SOX5: variants seen among roughly 807,000 people sequenced by gnomAD.
The protein encoded by SOX5 is SRY-box transcription factor 5, also known as transcription factor SOX-5.
SOX5 carries 9 observed loss-of-function variants against 92.0 expected under a neutral mutation model. That is an observed-to-expected ratio of 0.10 (90% confidence interval 0.06 to 0.17). SOX5 has a LOEUF of 0.17. Ranked by LOEUF, SOX5 falls within the 10% of genes least tolerant of loss-of-function variation. The pLI is 1.00. For synonymous variants in SOX5, 344 were observed against 336.3 expected, an observed-to-expected ratio of 1.02 and a Z score of -0.25; for missense variants, 642 against 944.5, an observed-to-expected ratio of 0.68 and a Z score of 4.20.
At chr12:24,356,545 C>T (rs977174579) in intron 2 of SOX5, among the ~76,000 whole-genome samples, 1 of 152,050 alleles carries the variant, frequency 6.6e-6, no homozygotes, top group African/African-American at 2.4e-5. Context: ...CTGATGTATG[C>T]ATTCATCTCT....
intron 2 of SOX5, among the ~76,000 whole-genome samples, chr12:23,880,616 G>A (rs541622317): frequency 6.6e-6 from 1 of 152,190 alleles, no homozygotes; most frequent in East Asian, 1.9e-4. Flanking sequence ...AAATAATACA[G>A]GGAATGAAGT....
In SOX5 at chr12:23,730,817, A is replaced by G. The variant is rs183102843; in HGVS notation, c.810+3867T>C. ...TTTCATCAGAGGTTGAGAAAGAATT[A>G]AAAAGGCCAAGAGAAACTTGAAATA... On this transcript the variant is annotated intron_variant, in intron 6 of 14. Transcript: ENST00000451604. Among the ~76,000 whole-genome samples the G allele has an allele frequency of 2.6e-5, 4 of 152,338 alleles. No individual in the cohort carries two copies. The South Asian group carries it at 8.3e-4, about 32-fold the overall frequency.
chr12:23,727,517 C>T (rs950718777), intron 6 of SOX5, among the ~76,000 whole-genome samples: 2 of 152,072 alleles, frequency 1.3e-5, no homozygotes, highest in African/African-American at 4.8e-5. Flanking sequence ...AGAGGAGATA[C>T]ACCATCCTCA....
At chr12:23,837,303 T>C (rs1594905512) in intron 3 of SOX5, among the ~76,000 whole-genome samples, 2 of 104,690 alleles carry the variant, frequency 1.9e-5, no homozygotes, top group Non-Finnish European at 3.5e-5. Context: ...ATATAATATA[T>C]AAGATATATT....
chr12:24,352,142 A>T (rs1208934575), intron 2 of SOX5, among the ~76,000 whole-genome samples: 2 of 152,244 alleles, frequency 1.3e-5, no homozygotes, highest in African/African-American at 2.4e-5. Flanking sequence ...TTGTGAGCTT[A>T]GGATAGCAAT....
chr12:23,831,957 T>TACACACACACACACACACACACACAC (rs61053165), intron 3 of SOX5, among the ~76,000 whole-genome samples: 2 of 142,732 alleles, frequency 1.4e-5, no homozygotes, highest in African/African-American at 5.3e-5. Flanking sequence ...AAAGGGGAAC[T>TACACACACACACACACACACACACAC]ACACACACAC....
chr12:23,847,029 A>C lies in SOX5; in HGVS notation c.271-836T>G, dbSNP rs548881973. On this transcript the variant is annotated intron_variant, in intron 2 of 14. Transcript: ENST00000451604. ...CTATTGTCATTTTCTCACATATTCT[A>C]GCACAAATCTGGTAATTTGTATAAT... is the stretch of plus-strand genomic sequence containing the variant. Among the ~76,000 whole-genome samples the C allele has an allele frequency of 2.6e-5, 4 of 152,304 alleles. 1 individual carries two copies. The East Asian group carries it at 7.7e-4, about 29-fold the overall frequency.
chr12:23,991,077 G>T (rs1016372041), intron 4 of SOX5, among the ~76,000 whole-genome samples: 2 of 151,814 alleles, frequency 1.3e-5, no homozygotes, highest in African/African-American at 2.4e-5. Flanking sequence ...TATAAGGCTG[G>T]GTATGGTGTC....
intron 2 of SOX5, among the ~76,000 whole-genome samples, chr12:23,892,001 T>C (rs937903203): frequency 1.3e-5 from 2 of 152,040 alleles, no homozygotes; most frequent in Non-Finnish European, 2.9e-5. Flanking sequence ...GTAAACTTAG[T>C]CAATAATCGT....
At chr12:24,057,518 T>A (rs1592746198) in intron 4 of SOX5, among the ~76,000 whole-genome samples, 1 of 152,224 alleles carries the variant, frequency 6.6e-6, no homozygotes, top group East Asian at 1.9e-4. Flanking sequence ...GATTTCTACA[T>A]GATGTAATCG....
intron 10 of SOX5, among the ~76,000 whole-genome samples, chr12:23,573,093 C>A (rs1948611951): frequency 1.3e-5 from 2 of 152,016 alleles, no homozygotes; most frequent in Non-Finnish European, 2.9e-5. Flanking sequence ...AAGGGTTAAT[C>A]CCTTCCCATC....
chr12:24,069,799 A>G (rs190193402), intron 4 of SOX5, among the ~76,000 whole-genome samples: 15 of 152,342 alleles, frequency 9.8e-5, no homozygotes, highest in Non-Finnish European at 2.9e-5. Flanking sequence ...AAAATGCTTT[A>G]ATGGTCCCCA....
At chr12:23,540,781 ACG>A (rs1941856338) in intron 13 of SOX5, among the ~76,000 whole-genome samples, 1 of 152,226 alleles carries the variant, frequency 6.6e-6, no homozygotes, top group Non-Finnish European at 1.5e-5. Context: ...AATGTCAACT[ACG>A]ATCCCCAGAG....
At chr12:23,806,593 A>G (rs1306324113) in intron 3 of SOX5, among the ~76,000 whole-genome samples, 3 of 149,130 alleles carry the variant, frequency 2.0e-5, no homozygotes, top group East Asian at 2.0e-4. Flanking sequence ...AAAAAAAAAA[A>G]AAAAAGAAAA....
intron 4 of SOX5, among the ~76,000 whole-genome samples, chr12:23,748,347 TGA>T (rs1267835167): frequency 6.6e-6 from 1 of 152,060 alleles, no homozygotes; most frequent in African/African-American, 2.4e-5. Flanking sequence ...CTTGATTAGC[TGA>T]TAATGTACAA....
At chr12:23,669,173 A>G (rs182535048) in intron 6 of SOX5, among the ~76,000 whole-genome samples, 1 of 152,256 alleles carries the variant, frequency 6.6e-6, no homozygotes, top group Non-Finnish European at 1.5e-5. Flanking sequence ...CAGACAGATA[A>G]TTATAATGTA....
chr12:24,382,118 AGATAAAT>A (rs1957884556), intron 1 of SOX5, among the ~76,000 whole-genome samples: 1 of 152,212 alleles, frequency 6.6e-6, no homozygotes, highest in Non-Finnish European at 1.5e-5. Context: ...AAAACAAACA[AGATAAAT>A]GAACATATGT....
chr12:23,595,970 T>C (rs564876906), intron 9 of SOX5, among the ~76,000 whole-genome samples: 6 of 152,186 alleles, frequency 3.9e-5, no homozygotes, highest in Non-Finnish European at 5.9e-5. Context: ...CAATGCTGTC[T>C]CATTAACTGG....
intron 1 of SOX5, among the ~76,000 whole-genome samples, chr12:24,425,726 G>A (rs894904939): frequency 2.0e-5 from 3 of 152,062 alleles, no homozygotes; most frequent in South Asian, 2.1e-4. Context: ...TCAAGTCACC[G>A]GGCTGTTCCT....
Sources: allele counts gnomAD v4.1 joint callset (sites outside exome capture counted in the v4.1 genomes callset), GRCh38; gene constraint gnomAD v4.1.1; transcripts MANE v1.5; gene names NCBI Gene and HGNC (gene_info 2026-07-23, HGNC 2026-07-21).